RNLS: variants seen among roughly 807,000 people sequenced by gnomAD.
RNLS encodes renalase, FAD dependent amine oxidase.
RNLS carries 39 observed loss-of-function variants against 39.8 expected under a neutral mutation model. The observed-to-expected ratio is 0.98, with a 90% CI of 0.76 to 1.28. The LOEUF is 1.28. Among genes scored for constraint, RNLS ranks in the 50% most tolerant of loss-of-function variants. The pLI is 0.00. For missense variants in RNLS, 410 were observed against 413.3 expected (o/e 0.99, Z 0.07); for synonymous variants, 147 against 150.7 (o/e 0.98, Z 0.18).
At chr10:88,357,268 G>C (rs562443358) in intron 5 of RNLS, among the ~76,000 whole-genome samples, 1 of 152,294 alleles carries the variant, frequency 6.6e-6, no homozygotes, top group South Asian at 2.1e-4. Context: ...TTTACCCAAA[G>C]TTACACAGCT....
chr10:88,350,402 C>T (rs183597401), intron 5 of RNLS, among the ~76,000 whole-genome samples: 1 of 152,164 alleles, frequency 6.6e-6, no homozygotes, highest in Non-Finnish European at 1.5e-5. Flanking sequence ...CCATGACATG[C>T]CCTGGTGTGC....
intron 4 of RNLS, among the ~76,000 whole-genome samples, chr10:88,405,079 C>T (rs1853173871): frequency 6.6e-6 from 1 of 152,030 alleles, no homozygotes; most frequent in Admixed American, 6.6e-5. Flanking sequence ...TGTTCCTTCT[C>T]TGGGGATCTT....
intron 4 of RNLS, among the ~76,000 whole-genome samples, chr10:88,386,302 T>C (rs991404393): frequency 1.3e-5 from 2 of 152,218 alleles, no homozygotes; most frequent in African/African-American, 4.8e-5. Flanking sequence ...AGAGAGTATT[T>C]TTTTTTCCTT....
At chr10:88,500,271 T>G (rs1845400426) in intron 4 of RNLS, among the ~76,000 whole-genome samples, 1 of 152,144 alleles carries the variant, frequency 6.6e-6, no homozygotes, top group Non-Finnish European at 1.5e-5. Flanking sequence ...TCTCCTACAC[T>G]AATTCCACAG....
intron 5 of RNLS, among the ~76,000 whole-genome samples, chr10:88,352,612 T>C (rs187518875): frequency 1.8e-4 from 27 of 152,352 alleles, no homozygotes; most frequent in African/African-American, 5.8e-4. Context: ...CAGTATCTTA[T>C]TGAGGATTTT....
the RNLS span, among the ~76,000 whole-genome samples, chr10:88,250,528 C>T: frequency 6.6e-6 from 1 of 152,150 alleles, no homozygotes; most frequent in East Asian, 1.9e-4. Context: ...CTACCAAGGC[C>T]ACCCTGTGCA....
Position 88,414,493 on chromosome 10 carries a change from T to C in RNLS, c.527-51768A>G, listed in dbSNP as rs577340724. On this transcript the variant is annotated intron_variant, in intron 4 of 6. Coordinates refer to ENST00000331772, the MANE Select transcript of RNLS (RefSeq NM_001031709.3). ...GATTAAAAACTACCATTTGAGACTA[T>C]TGATTTTAGAGTTCAGCTTGGACTA... Among the ~76,000 whole-genome samples, 27 of 152,340 alleles carry C rather than the reference T, an allele frequency of 1.8e-4. No individual in the cohort carries two copies. The South Asian group carries it at 4.1e-3, about 23-fold the overall frequency.
the RNLS span, among the ~76,000 whole-genome samples, chr10:88,218,170 G>T: frequency 6.6e-6 from 1 of 152,246 alleles, no homozygotes; most frequent in Non-Finnish European, 1.5e-5. Context: ...CGCGCACTAT[G>T]GTGGCCTGCC....
intron 4 of RNLS, among the ~76,000 whole-genome samples, chr10:88,378,357 C>T (rs1055428098): frequency 6.6e-6 from 1 of 152,202 alleles, no homozygotes; most frequent in East Asian, 1.9e-4. Context: ...CACTCATTCT[C>T]TCTTAAGGCT....
At chr10:88,457,954 C>T (rs1030296469) in intron 4 of RNLS, among the ~76,000 whole-genome samples, 1 of 152,184 alleles carries the variant, frequency 6.6e-6, no homozygotes, top group African/African-American at 2.4e-5. Context: ...AATGTGCTGA[C>T]CTTTCTTCCT....
downstream of RNLS, among the ~76,000 whole-genome samples, chr10:88,273,643 AT>A (rs1363567722): frequency 6.6e-6 from 1 of 152,232 alleles, no homozygotes; most frequent in African/African-American, 2.4e-5. Flanking sequence ...AAATAAACAT[AT>A]TGCAAATAAA....
chr10:88,474,217 A>G (rs1843689209), intron 4 of RNLS, among the ~76,000 whole-genome samples: 1 of 152,130 alleles, frequency 6.6e-6, no homozygotes, highest in African/African-American at 2.4e-5. Context: ...AAAAAAAACA[A>G]CCTTTAGAGC....
At chr10:88,352,180 A>G (rs1393656481) in intron 5 of RNLS, among the ~76,000 whole-genome samples, 1 of 152,110 alleles carries the variant, frequency 6.6e-6, no homozygotes, top group Non-Finnish European at 1.5e-5. Flanking sequence ...TCCTAATTGA[A>G]TACCCTTTAT....
the RNLS span, among the ~76,000 whole-genome samples, chr10:88,187,533 C>T: frequency 6.6e-6 from 1 of 152,136 alleles, no homozygotes; most frequent in African/African-American, 2.4e-5. Flanking sequence ...TGATGTGCTA[C>T]CTTTAGCTTT....
At chr10:88,442,238 T>C (rs561702848) in intron 4 of RNLS, among the ~76,000 whole-genome samples, 12 of 152,312 alleles carry the variant, frequency 7.9e-5, no homozygotes, top group African/African-American at 2.9e-4. Flanking sequence ...AGAAAGCAAA[T>C]AGTTTACAGC....
At chr10:88,467,314 A>G (rs1589842821) in intron 4 of RNLS, among the ~76,000 whole-genome samples, 3 of 152,050 alleles carry the variant, frequency 2.0e-5, no homozygotes, top group African/African-American at 7.2e-5. Context: ...TAAAAGAAAG[A>G]AAAAAAGAGT....
intron 5 of RNLS, among the ~76,000 whole-genome samples, chr10:88,338,518 A>G (rs1448572825): frequency 6.6e-6 from 1 of 152,230 alleles, no homozygotes; most frequent in African/African-American, 2.4e-5. Flanking sequence ...ACAGCAGGTA[A>G]ATTGATATAT....
At chr10:88,529,129 T>TA (rs879741569) in intron 4 of RNLS, among the ~76,000 whole-genome samples, 5 of 152,204 alleles carry the variant, frequency 3.3e-5, no homozygotes, top group Non-Finnish European at 4.4e-5. Flanking sequence ...TAATTTTCTC[T>TA]AAAAAATCTC....
chr10:88,388,884 G>A (rs1428209378), intron 4 of RNLS, among the ~76,000 whole-genome samples: 1 of 152,078 alleles, frequency 6.6e-6, no homozygotes, highest in South Asian at 2.1e-4. Context: ...ACTATGTGTC[G>A]AATGAATAAG....
Sources: gnomAD v4.1 joint callset for allele counts (sites outside exome capture counted in the v4.1 genomes callset) on GRCh38, gnomAD v4.1.1 for gene constraint, MANE v1.5 for transcripts, NCBI Gene and HGNC (gene_info 2026-07-23, HGNC 2026-07-21) for gene names.